The following TANC1 variants were observed in gnomAD, a reference collection of about 807,000 sequenced individuals.
TANC1 encodes protein TANC1.
TANC1 carries 77 observed loss-of-function variants against 149.7 expected under a neutral mutation model. The observed-to-expected ratio is 0.51, with a 90% CI of 0.43 to 0.62. The LOEUF (loss-of-function observed/expected upper bound fraction) is 0.62, where lower values mean the gene tolerates loss of function less well. Among genes scored for constraint, TANC1 ranks in the 20% least tolerant of loss-of-function variants. The probability of loss-of-function intolerance (pLI) is 0.00; values close to 1 mark genes in which losing one functional copy is unlikely to be tolerated. For synonymous variants in TANC1, 854 were observed against 925.0 expected (o/e 0.92, Z 1.39); for missense variants, 1,985 against 2,321.8 (o/e 0.85, Z 2.98).
chr2:159,062,054 A>G (rs183783623), intron 2 of TANC1, among the ~76,000 whole-genome samples: 3 of 152,284 alleles, frequency 2.0e-5, no homozygotes, highest in African/African-American at 7.2e-5. Context: ...CCTGGCCAAC[A>G]TGGTGAAACC....
chr2:159,041,669 G>A (rs915142871), intron 2 of TANC1, among the ~76,000 whole-genome samples: 4 of 152,206 alleles, frequency 2.6e-5, no homozygotes, highest in Non-Finnish European at 4.4e-5. Flanking sequence ...GTAGTGTCCC[G>A]ATTTTCCAGG....
Position 159,227,935 on chromosome 2 carries a change from C to A in TANC1, c.4020C>A (p.Leu1340=), listed in dbSNP as rs1232693818. 1 of 1,613,200 alleles carries A rather than the reference C, an allele frequency of 6.2e-7. No homozygotes were observed. The highest frequency in any genetic ancestry group is 1.7e-5 in the Admixed American group (1 of 59,876). Residue 1340 remains leucine (L), a synonymous_variant, in exon 25 of 27, where the codon CTC becomes CTA. Coordinates refer to ENST00000263635, the MANE Select transcript of TANC1 (RefSeq NM_033394.3). ...ATGAATTAAGGGTTTCCCTCTATCT[C>A]AATTTGTCGCGATGCCGAAGAAAAA... is the stretch of plus-strand genomic sequence containing the variant. ...PFNELRVSLY[L]NLSRCRRKTN... is the part of the protein sequence containing the mutation.
intron 2 of TANC1, among the ~76,000 whole-genome samples, chr2:159,049,413 A>G (rs771416382): frequency 1.2e-4 from 19 of 152,106 alleles, no homozygotes; most frequent in Non-Finnish European, 2.4e-4. Flanking sequence ...GTAGAAAGGG[A>G]GGGAGGAGAG....
At chr2:159,086,353 A>T (rs1023078252) in intron 3 of TANC1, among the ~76,000 whole-genome samples, 2 of 152,076 alleles carry the variant, frequency 1.3e-5, no homozygotes, top group African/African-American at 4.8e-5. Context: ...CAGTGTCTGT[A>T]GGGTGAAGCT....
intron 2 of TANC1, among the ~76,000 whole-genome samples, chr2:159,040,556 A>G (rs2040548269): frequency 6.6e-6 from 1 of 152,152 alleles, no homozygotes. Context: ...CAAATTGGCT[A>G]CTGAAGCTTG....
At chr2:159,043,064 T>C (rs2040777232) in intron 2 of TANC1, among the ~76,000 whole-genome samples, 1 of 152,152 alleles carries the variant, frequency 6.6e-6, no homozygotes, top group South Asian at 2.1e-4. Context: ...TGACTCAGCT[T>C]GGATAGTGAG....
intron 2 of TANC1, among the ~76,000 whole-genome samples, chr2:159,054,117 C>A (rs1202772391): frequency 6.6e-6 from 1 of 152,152 alleles, no homozygotes; most frequent in Non-Finnish European, 1.5e-5. Flanking sequence ...TTGACTCTCA[C>A]CACTCCCTGG....
intron 4 of TANC1, among the ~76,000 whole-genome samples, chr2:159,100,171 AC>A (rs2046536706): frequency 6.6e-6 from 1 of 152,206 alleles, no homozygotes; most frequent in African/African-American, 2.4e-5. Flanking sequence ...AGTCTGTGCT[AC>A]TGCAAATGAA....
At chr2:159,005,761 A>C (rs2037102291) in intron 2 of TANC1, among the ~76,000 whole-genome samples, 1 of 151,984 alleles carries the variant, frequency 6.6e-6, no homozygotes, top group African/African-American at 2.4e-5. Flanking sequence ...ATGTTTGAAA[A>C]TTTGCCTGGT....
chr2:159,105,114 C>A (rs1477259352), intron 4 of TANC1, among the ~76,000 whole-genome samples: 2 of 139,974 alleles, frequency 1.4e-5, no homozygotes, highest in Non-Finnish European at 3.1e-5. Context: ...CCTGCTTCAG[C>A]CTTCCGAGTA....
At chr2:159,041,920 C>G (rs1246319199) in intron 2 of TANC1, among the ~76,000 whole-genome samples, 2 of 152,164 alleles carry the variant, frequency 1.3e-5, no homozygotes, top group African/African-American at 4.8e-5. Flanking sequence ...CATCTTGGAA[C>G]CCTACCCCAT....
At chr2:159,153,379 G>A (rs1014072365) in intron 7 of TANC1, among the ~76,000 whole-genome samples, 7 of 152,214 alleles carry the variant, frequency 4.6e-5, no homozygotes, top group African/African-American at 1.7e-4. Flanking sequence ...GGCAACTGTA[G>A]GTGAAAGCAG....
At chr2:159,006,311 A>AG (rs2037174789) in intron 2 of TANC1, among the ~76,000 whole-genome samples, 1 of 151,630 alleles carries the variant, frequency 6.6e-6, no homozygotes, top group Non-Finnish European at 1.5e-5. Flanking sequence ...AAAAAAAAAA[A>AG]AAAAGAATGT....
chr2:159,219,670 T>G, intron 21 of TANC1, 22 bp from the exon 22 acceptor site: 4 of 1,614,090 alleles, frequency 2.5e-6, no homozygotes, highest in Non-Finnish European at 3.4e-6. Context: ...GTTCATGTTC[T>G]GTGAATGGGC....
intron 1 of TANC1, among the ~76,000 whole-genome samples, chr2:158,991,119 GA>G (rs2035586256): frequency 7.6e-6 from 1 of 131,360 alleles, no homozygotes; most frequent in South Asian, 2.4e-4. Flanking sequence ...AAAAAAAGTA[GA>G]AAAAACAGCA....
At chr2:159,116,450 AC>A (rs1223960544) in intron 4 of TANC1, among the ~76,000 whole-genome samples, 1 of 138,148 alleles carries the variant, frequency 7.2e-6, no homozygotes, top group Non-Finnish European at 1.6e-5. Context: ...AACAACAACA[AC>A]AACAAAAAAA....
At chr2:158,977,197 T>C (rs2033786676) in intron 1 of TANC1, among the ~76,000 whole-genome samples, 1 of 152,152 alleles carries the variant, frequency 6.6e-6, no homozygotes. Flanking sequence ...TGGAGTACAG[T>C]GGTGTGATGA....
At chr2:159,086,045 G>A (rs2044810702) in intron 3 of TANC1, among the ~76,000 whole-genome samples, 1 of 152,130 alleles carries the variant, frequency 6.6e-6, no homozygotes, top group African/African-American at 2.4e-5. Context: ...GTGGTTAGTT[G>A]TTGTCCCTGG....
At chr2:159,225,265 TAG>T in intron 23 of TANC1, 1 of 229,702 alleles carries the variant, frequency 4.4e-6, no homozygotes. Flanking sequence ...GGCCGAGCTG[TAG>T]GGTAGGAGAG....
Sources: allele counts gnomAD v4.1 joint callset (sites outside exome capture counted in the v4.1 genomes callset), GRCh38; gene constraint gnomAD v4.1.1; transcripts MANE v1.5; gene names NCBI Gene and HGNC (gene_info 2026-07-23, HGNC 2026-07-21).